ABLIM2: variants seen among roughly 807,000 people sequenced by gnomAD.
ABLIM2 encodes the protein actin-binding LIM protein 2.
Under a neutral mutation model 97.7 loss-of-function variants are expected in ABLIM2, and 53 were observed. The observed-to-expected ratio is 0.54, with a 90% CI of 0.44 to 0.68. ABLIM2 has a LOEUF of 0.68. ABLIM2 is among the 30% of genes least tolerant of loss of function. The probability of loss-of-function intolerance (pLI) is 0.00; values close to 1 mark genes in which losing one functional copy is unlikely to be tolerated. For synonymous variants in ABLIM2, 361 were observed against 345.8 expected (o/e 1.04, Z -0.49); for missense variants, 835 against 867.2 (o/e 0.96, Z 0.47).
rs367960765 is a variant in ABLIM2 at position 8,068,694 on chromosome 4, C to T, written c.676-7640G>A. Among the ~76,000 whole-genome samples the T allele has an allele frequency of 7.0e-4, 106 of 152,324 alleles. 1 individual carries two copies. Among genetic ancestry groups the T allele is most frequent in the Admixed American group, 2.2e-3 (33 of 15,304 alleles). On this transcript the variant is annotated intron_variant, in intron 6 of 20. Coordinates refer to ENST00000447017, the MANE Select transcript of ABLIM2 (RefSeq NM_001130083.2). This position sits in a 1 kb window ranked among gnomAD's most constrained non-coding sequence, Gnocchi z 4.5. ...GCTGCCACACTTCCCCTTGCTTCTTCCCCGCTGCGGGCTCCCGCTCAGCCG... is the reference window on the plus strand; with the variant it reads ...GCTGCCACACTTCCCCTTGCTTCTTTCCCGCTGCGGGCTCCCGCTCAGCCG...
At chr4:7,973,178 G>C (rs906888683) in intron 20 of ABLIM2, among the ~76,000 whole-genome samples, 5 of 151,302 alleles carry the variant, frequency 3.3e-5, no homozygotes. Context: ...AAAGGCCCTG[G>C]GGCAGGAGGA....
rs1810206206 is a variant in ABLIM2, at chr4:8,069,355, C to CTAG, written c.675+8272_675+8273insCTA. On this transcript the variant is annotated intron_variant, in intron 6 of 20. Coordinates refer to ENST00000447017, the MANE Select transcript of ABLIM2 (RefSeq NM_001130083.2). The surrounding 1 kb of genome is among the most constrained non-coding windows in gnomAD (Gnocchi z 4.2). The stretch of plus-strand genomic sequence containing the variant: ...GTTTGGGAAAGGCTAGGGCAGAATC[C>CTAG]CGCCTGTGGATGTTCACACGCACTG... 6.6e-6 allele frequency among the ~76,000 whole-genome samples: 1 copy of CTAG among 152,364 alleles called. No individual in the cohort carries two copies. The highest frequency in any genetic ancestry group is 6.5e-5 in the Admixed American group (1 of 15,306).
At chr4:8,026,167 C>T (rs1012188237) in intron 12 of ABLIM2, among the ~76,000 whole-genome samples, 19 of 152,192 alleles carry the variant, frequency 1.2e-4, no homozygotes, top group African/African-American at 3.9e-4. Flanking sequence ...CCACCATGCC[C>T]GGCGTTTTTC....
rs1011137328 is a variant in ABLIM2 at position 8,123,964 on chromosome 4, A to G, written c.11-17327T>C. Reference sequence around the variant, plus strand: ...GAATGCTACTCATGGCTAGAAACCCAAACAGTACATCAAAGATGAAGGAAA... The same window carrying G: ...GAATGCTACTCATGGCTAGAAACCCGAACAGTACATCAAAGATGAAGGAAA... On this transcript the variant is annotated intron_variant, in intron 1 of 20. Coordinates refer to ENST00000447017, the MANE Select transcript of ABLIM2 (RefSeq NM_001130083.2). This position sits in a 1 kb window ranked among gnomAD's most constrained non-coding sequence, Gnocchi z 6.2. 3.3e-5 allele frequency among the ~76,000 whole-genome samples: 5 copies of G among 152,208 alleles called. No homozygotes were observed. Among genetic ancestry groups the G allele is most frequent in the African/African-American group, 1.2e-4 (5 of 41,472 alleles).
In ABLIM2 at chr4:8,127,582, T is replaced by A. The variant is rs1206925058; in HGVS notation, c.11-20945A>T. The A allele has an allele frequency of 7.8e-7, 1 of 1,289,590 alleles. No homozygotes were observed. Among genetic ancestry groups the A allele is most frequent in the Admixed American group, 2.3e-5 (1 of 43,538 alleles). The allele number at this position is 1,289,590 out of a possible 1,614,324, so 79.9% of individuals were successfully genotyped here. ...CCCTGGCACCCCCATGGAGCGTGGCTGCTTGCAAAGGGCCAGCGGGTCGGC... is the reference window on the plus strand; with the variant it reads ...CCCTGGCACCCCCATGGAGCGTGGCAGCTTGCAAAGGGCCAGCGGGTCGGC... On this transcript the variant is annotated intron_variant, in intron 1 of 20. Coordinates refer to ENST00000447017, the MANE Select transcript of ABLIM2 (RefSeq NM_001130083.2). The surrounding 1 kb of genome is among the most constrained non-coding windows in gnomAD (Gnocchi z 7.3).
At chr4:8,034,078 AAATAGCCAGCACATCCTGT>A in intron 10 of ABLIM2, among the ~76,000 whole-genome samples, 1 of 152,328 alleles carries the variant, frequency 6.6e-6, no homozygotes, top group South Asian at 2.1e-4. Context: ...TGTGCTGAGA[AAATAGCCAGCACATCCTGT>A]GGTCTTTGCG....
At chr4:8,154,266 A>ATTTTC (rs1187078497) in intron 1 of ABLIM2, among the ~76,000 whole-genome samples, 49 of 126,476 alleles carry the variant, frequency 3.9e-4, no homozygotes, top group Non-Finnish European at 4.8e-4. Context: ...CCAGCCACTT[A>ATTTTC]TTTTCTTTTC....
chr4:7,980,440 C>A (rs1032127244), intron 20 of ABLIM2, among the ~76,000 whole-genome samples: 1 of 152,266 alleles, frequency 6.6e-6, no homozygotes, highest in Admixed American at 6.5e-5. Flanking sequence ...GCAGGCCAGG[C>A]ATAGTGGCTC....
At position 8,146,155 on chromosome 4, in the gene ABLIM2, T is replaced by C. The variant is rs192415992; in HGVS notation, c.10+12525A>G. Among the ~76,000 whole-genome samples the C allele has an allele frequency of 1.9e-3, 282 of 152,364 alleles. 2 individuals are homozygous for C. The highest frequency in any genetic ancestry group is 4.0e-4 in the Non-Finnish European group (27 of 68,046). ...GCCTTCACATAGACTTTATTCATGC[T>C]TCATAATATTTTTAATGCACAATAT... On this transcript the variant is annotated intron_variant, in intron 1 of 20. Transcript: ENST00000447017.
At chr4:8,154,176 A>G (rs56307233) in intron 1 of ABLIM2, among the ~76,000 whole-genome samples, 4 of 150,216 alleles carry the variant, frequency 2.7e-5, no homozygotes, top group Admixed American at 1.3e-4. Flanking sequence ...GTTAGCCAGG[A>G]TGGTCTCCAT....
At chr4:7,977,097 C>T (rs908825914) in intron 20 of ABLIM2, among the ~76,000 whole-genome samples, 5 of 152,084 alleles carry the variant, frequency 3.3e-5, no homozygotes, top group Admixed American at 3.3e-4. Flanking sequence ...GGGGTGGTTT[C>T]CCCCATGCTG....
intron 1 of ABLIM2, among the ~76,000 whole-genome samples, chr4:8,129,099 G>A (rs1358444967): frequency 6.6e-6 from 1 of 152,064 alleles, no homozygotes; most frequent in African/African-American, 2.4e-5. Context: ...GAGGCTGGGG[G>A]CAGAGGCCCT....
At chr4:8,101,798 C>G (rs1834793316) in intron 2 of ABLIM2, among the ~76,000 whole-genome samples, 1 of 152,240 alleles carries the variant, frequency 6.6e-6, no homozygotes, top group African/African-American at 2.4e-5. Flanking sequence ...GCACAGAGCT[C>G]AGCCACCCTT....
chr4:7,982,923 G>A (rs527490546), intron 20 of ABLIM2, among the ~76,000 whole-genome samples: 79 of 152,198 alleles, frequency 5.2e-4, no homozygotes, highest in Non-Finnish European at 8.4e-4. Context: ...GGCTGGTCTC[G>A]AACTCCTGAT....
Position 8,125,014 on chromosome 4 carries a change from A to G in ABLIM2, c.11-18377T>C, listed in dbSNP as rs1008249280. ...TTCATGTGTAGATTCTCCCTCTGGG[A>G]GTCTTCTTTGTAAAAATGTCGATGC... On this transcript the variant is annotated intron_variant, in intron 1 of 20. Transcript: ENST00000447017. This position sits in a 1 kb window ranked among gnomAD's most constrained non-coding sequence, Gnocchi z 6.2. Among the ~76,000 whole-genome samples, 1 of 150,900 alleles carries G rather than the reference A, an allele frequency of 6.6e-6. No individual in the cohort carries two copies. Among genetic ancestry groups the G allele is most frequent in the African/African-American group, 2.4e-5 (1 of 40,918 alleles).
At chr4:7,994,048 G>A (rs1751136600) in intron 16 of ABLIM2, 3 of 434,878 alleles carry the variant, frequency 6.9e-6, no homozygotes, top group Non-Finnish European at 1.4e-5. Flanking sequence ...GGACCCTGGA[G>A]GGGCAGGACC....
At chr4:8,030,314 G>C (rs1780105742) in intron 10 of ABLIM2, among the ~76,000 whole-genome samples, 1 of 152,190 alleles carries the variant, frequency 6.6e-6, no homozygotes, top group African/African-American at 2.4e-5. Context: ...GCAGCTGTTT[G>C]CAGCAGGCAG....
chr4:8,143,850 G>A (rs925506978), intron 1 of ABLIM2, among the ~76,000 whole-genome samples: 18 of 152,322 alleles, frequency 1.2e-4, no homozygotes, highest in African/African-American at 4.3e-4. Context: ...ACGGCTGCCT[G>A]TCAGCCCTGG....
chr4:8,009,089 C>T lies in ABLIM2; in HGVS notation c.1437G>A (p.Ser479=), dbSNP rs757149960. The change falls in exon 15 of 21, where the codon TCG becomes TCA. Residue 479 remains serine (S), a synonymous_variant. Transcript: ENST00000447017. ...GGTCCAAGCTTCCATCCTCCCCATC[C>T]GATCGCCTGGCAGCTGGAAGGGAAA... The part of the protein sequence containing the change: ...PIYRQHAARR[S]DGEDGSLDQD... 40 of 1,614,018 alleles carry T rather than the reference C, an allele frequency of 2.5e-5. No homozygotes were observed. Among genetic ancestry groups the T allele is most frequent in the South Asian group, 1.2e-4 (11 of 91,088 alleles).
Sources: allele counts gnomAD v4.1 joint callset (sites outside exome capture counted in the v4.1 genomes callset), GRCh38; gene constraint gnomAD v4.1.1; non-coding constraint Gnocchi (gnomAD v3.1); transcripts MANE v1.5; gene names NCBI Gene and HGNC (gene_info 2026-07-23, HGNC 2026-07-21).